The following SPIRE1 variants were observed in gnomAD, a reference collection of about 807,000 sequenced individuals.
SPIRE1 encodes the protein protein spire homolog 1.
A neutral mutation model predicts 94.1 loss-of-function variants in SPIRE1; 40 were observed. The ratio of observed to expected loss-of-function variants is 0.43; its 90% CI spans 0.33 to 0.55. The LOEUF (loss-of-function observed/expected upper bound fraction) is 0.55. SPIRE1 is among the 20% of genes least tolerant of loss of function. The pLI is 0.06. For synonymous variants in SPIRE1, 376 were observed against 371.7 expected (o/e 1.01, Z -0.13); for missense variants, 838 against 975.2 (o/e 0.86, Z 1.87).
At chr18:12,614,671 A>G (rs907211520) in intron 2 of SPIRE1, among the ~76,000 whole-genome samples, 177 of 151,866 alleles carry the variant, frequency 1.2e-3, no homozygotes, top group Non-Finnish European at 2.1e-3. Context: ...CAAGAAAAGT[A>G]GCCGGGCACG....
intron 10 of SPIRE1, among the ~76,000 whole-genome samples, chr18:12,467,176 G>A (rs2032143190): frequency 6.6e-6 from 1 of 152,336 alleles, no homozygotes; most frequent in Non-Finnish European, 1.5e-5. Flanking sequence ...TACTTGGGAG[G>A]CTGAGGCATG....
At chr18:12,581,110 T>C (rs1321483845) in intron 2 of SPIRE1, among the ~76,000 whole-genome samples, 1 of 152,084 alleles carries the variant, frequency 6.6e-6, no homozygotes, top group African/African-American at 2.4e-5. Flanking sequence ...TTTACTGAGT[T>C]TCTAGGCCAA....
chr18:12,461,548 T>A (rs182555962), intron 12 of SPIRE1, among the ~76,000 whole-genome samples: 1 of 148,238 alleles, frequency 6.7e-6, no homozygotes, highest in Non-Finnish European at 1.5e-5. Flanking sequence ...CATATGTATA[T>A]ACATACATGC....
intron 6 of SPIRE1, among the ~76,000 whole-genome samples, chr18:12,503,051 G>A (rs573167891): frequency 3.2e-4 from 49 of 151,736 alleles, no homozygotes; most frequent in Admixed American, 9.2e-4. Flanking sequence ...GGAGCTTGCA[G>A]TGGGCCGAGA....
rs572119061 is a variant in SPIRE1 at position 12,577,772 on chromosome 18, C to T, written c.373-30868G>A. Among the ~76,000 whole-genome samples the T allele has an allele frequency of 3.3e-5, 5 of 152,276 alleles. No homozygotes were observed. In the South Asian group the frequency reaches 1.0e-3, roughly 32 times the overall value. On this transcript the variant is annotated intron_variant, in intron 2 of 16. Transcript: ENST00000409402. ...ACAATAACAATAAAAAGACAAGTCC[C>T]ATGCTGGGCAAAAATATCTATTTTA...
At chr18:12,562,492 GTTTTA>G (rs1001475289) in intron 2 of SPIRE1, among the ~76,000 whole-genome samples, 23 of 148,054 alleles carry the variant, frequency 1.6e-4, no homozygotes, top group Admixed American at 1.2e-3. Flanking sequence ...TATATTTTTT[GTTTTA>G]TTTTATTTTA....
intron 3 of SPIRE1, among the ~76,000 whole-genome samples, chr18:12,539,934 A>G (rs1305520961): frequency 1.3e-5 from 2 of 151,766 alleles, no homozygotes; most frequent in Non-Finnish European, 2.9e-5. Context: ...CTTAAAAAAA[A>G]AAAAAAAAGA....
chr18:12,449,713 T>C lies in SPIRE1; in HGVS notation c.2196A>G (p.Lys732=). 6.2e-7 allele frequency: 1 copy of C among 1,614,110 alleles called. No individual in the cohort carries two copies. The highest frequency in any genetic ancestry group is 1.3e-5 in the African/African-American group (1 of 75,032). The change falls in exon 17 of 17, where the codon AAA becomes AAG. Residue 732 remains lysine (K), a synonymous_variant. Transcript: ENST00000409402. ...LANKRARLKR[K]TQSFYMSSPG... is the part of the protein sequence containing the mutation. ...GCGAGGACATGTAGAAAGACTGCGT[T>C]TTCCTTTTCAATCGGGCCCTTTTGT... is the stretch of plus-strand genomic sequence containing the variant.
In SPIRE1 at chr18:12,449,301, C is replaced by CT. The variant is rs565267466; in HGVS notation, c.*336dup. ...GTTAGACTGATTCTCGTAGGAGAAG[C>CT]TTTTTTTTTTTGCCTTAGTCAGGAG... On this transcript the variant is annotated 3_prime_UTR_variant, in exon 17 of 17. Coordinates refer to ENST00000409402, the MANE Select transcript of SPIRE1 (RefSeq NM_001128626.2). 9.1e-3 allele frequency: 2,246 copies of CT among 247,508 alleles called. 1 individual carries two copies. The highest frequency in any genetic ancestry group is 0.014 in the South Asian group (248 of 18,038). The allele number at this position is 247,508 out of a possible 1,614,324, so 15.3% of individuals were successfully genotyped here. A position where few individuals can be genotyped will look rare whatever the true frequency, so the allele number is the denominator to read the frequency against.
At chr18:12,597,737 G>A (rs769413493) in intron 2 of SPIRE1, among the ~76,000 whole-genome samples, 4 of 152,180 alleles carry the variant, frequency 2.6e-5, no homozygotes, top group Admixed American at 6.5e-5. Flanking sequence ...TTTTAGAGCT[G>A]CCCAACTACT....
intron 1 of SPIRE1, among the ~76,000 whole-genome samples, chr18:12,654,281 C>A (rs1170699242): frequency 7.0e-6 from 1 of 142,596 alleles, no homozygotes; most frequent in African/African-American, 2.6e-5. Flanking sequence ...AGGTTGCAGT[C>A]AGCCGAGACT....
chr18:12,470,743 G>A (rs2032324073), intron 10 of SPIRE1, among the ~76,000 whole-genome samples: 1 of 152,062 alleles, frequency 6.6e-6, no homozygotes, highest in Admixed American at 6.6e-5. Context: ...GAATTCTGAT[G>A]GGTCTCTGAC....
chr18:12,589,533 TA>T (rs1393723885), intron 2 of SPIRE1, among the ~76,000 whole-genome samples: 1 of 152,210 alleles, frequency 6.6e-6, no homozygotes, highest in Non-Finnish European at 1.5e-5. Context: ...CCAGGATACA[TA>T]AAATGTTTTC....
At chr18:12,504,803 A>G (rs1334781681) in intron 6 of SPIRE1, among the ~76,000 whole-genome samples, 1 of 152,174 alleles carries the variant, frequency 6.6e-6, no homozygotes, top group Non-Finnish European at 1.5e-5. Flanking sequence ...AGACTTTTCT[A>G]ATGTGGGAAA....
rs1206316860 is a variant in SPIRE1, at chr18:12,525,298, AT to A, written c.729+10177del. On this transcript the variant is annotated intron_variant, in intron 4 of 16. Coordinates refer to ENST00000409402, the MANE Select transcript of SPIRE1 (RefSeq NM_001128626.2). The stretch of plus-strand genomic sequence containing the variant: ...TCTCAAAAAAAAAAAAAAAAAAAAA[AT>A]AATAATAATAATAATAATAACAAAG... Among the ~76,000 whole-genome samples the A allele has an allele frequency of 2.3e-3, 296 of 129,192 alleles. 4 individuals are homozygous for A. Among genetic ancestry groups the A allele is most frequent in the Admixed American group, 3.0e-3 (37 of 12,158 alleles). 84.8% of individuals were successfully genotyped at this position (129,192 alleles called of 152,430 possible).
At chr18:12,548,842 T>C (rs1321910645) in intron 2 of SPIRE1, among the ~76,000 whole-genome samples, 1 of 152,182 alleles carries the variant, frequency 6.6e-6, no homozygotes, top group Non-Finnish European at 1.5e-5. Context: ...CTCAAACTCC[T>C]GGACTTAAGC....
At chr18:12,627,322 C>T (rs374352532) in intron 2 of SPIRE1, among the ~76,000 whole-genome samples, 95 of 152,084 alleles carry the variant, frequency 6.2e-4, no homozygotes, top group African/African-American at 2.1e-3. Context: ...TTTGGTTTTC[C>T]GTCCTTGCAA....
intron 1 of SPIRE1, among the ~76,000 whole-genome samples, chr18:12,639,625 G>A (rs12966367): frequency 0.25 from 38,033 of 151,828 alleles, 5,274 homozygotes; most frequent in Non-Finnish European, 0.32. Context: ...CCAGCTACAC[G>A]GGAGACTGAG....
intron 2 of SPIRE1, among the ~76,000 whole-genome samples, chr18:12,596,954 TCCA>T (rs1390533508): frequency 6.6e-6 from 1 of 150,954 alleles, no homozygotes; most frequent in Non-Finnish European, 1.5e-5. Context: ...TGTTTCCTCC[TCCA>T]CCTTAAGAAT....
Sources: gnomAD v4.1 joint callset for allele counts (sites outside exome capture counted in the v4.1 genomes callset) on GRCh38, gnomAD v4.1.1 for gene constraint, MANE v1.5 for transcripts, NCBI Gene and HGNC (gene_info 2026-07-23, HGNC 2026-07-21) for gene names.